NHSL3: variants seen among roughly 807,000 people sequenced by gnomAD.
NHSL3 encodes the protein NHS like 3.
chr1:32,759,818 G>C, the NHSL3 span, among the ~76,000 whole-genome samples: 3 of 152,200 alleles, frequency 2.0e-5, no homozygotes, highest in Non-Finnish European at 4.4e-5. Context: ...CTCCCTGGTT[G>C]GGTGACCTTG....
chr1:32,764,419 GTTAACACA>G, the NHSL3 span, among the ~76,000 whole-genome samples: 1 of 152,102 alleles, frequency 6.6e-6, no homozygotes, highest in South Asian at 2.1e-4. Flanking sequence ...CTAGTACTAG[GTTAACACA>G]TGTTTGCTGA....
At chr1:32,742,077 G>T in the NHSL3 span, 41 of 1,257,362 alleles carry the variant, frequency 3.3e-5, 1 homozygote, top group Admixed American at 3.3e-4. Context: ...TCAGCTGGCT[G>T]CGGGGCAAGC....
At chr1:32,747,436 G>T in the NHSL3 span, among the ~76,000 whole-genome samples, 2 of 152,242 alleles carry the variant, frequency 1.3e-5, no homozygotes, top group South Asian at 4.1e-4. Flanking sequence ...GCATCCCAAA[G>T]TGCTGGGATT....
At chr1:32,742,681 T>G in the NHSL3 span, among the ~76,000 whole-genome samples, 1 of 152,236 alleles carries the variant, frequency 6.6e-6, no homozygotes, top group Non-Finnish European at 1.5e-5. Flanking sequence ...GGACCTCACA[T>G]GGAGCACAGT....
chr1:32,772,250 C>T, the NHSL3 span: 1 of 1,603,568 alleles, frequency 6.2e-7, no homozygotes, highest in Non-Finnish European at 8.5e-7. Flanking sequence ...GCTCCCCCAC[C>T]TGTGGCCCGC....
At chr1:32,743,081 T>C in the NHSL3 span, among the ~76,000 whole-genome samples, 1 of 152,210 alleles carries the variant, frequency 6.6e-6, no homozygotes, top group Non-Finnish European at 1.5e-5. Flanking sequence ...TCTTGGGCCT[T>C]CCCTCATTTT....
At chr1:32,758,505 T>C in the NHSL3 span, among the ~76,000 whole-genome samples, 7 of 152,082 alleles carry the variant, frequency 4.6e-5, no homozygotes, top group Non-Finnish European at 8.8e-5. Context: ...CCCCCATGTC[T>C]CGTCCCCTTT....
chr1:32,762,734 C>T, the NHSL3 span, among the ~76,000 whole-genome samples: 80 of 152,128 alleles, frequency 5.3e-4, no homozygotes, highest in Non-Finnish European at 9.1e-4. Flanking sequence ...GGATTACAGG[C>T]GCCCGCCACC....
the NHSL3 span, chr1:32,754,058 C>G: frequency 3.1e-6 from 2 of 650,662 alleles, no homozygotes; most frequent in Non-Finnish European, 5.6e-6. Flanking sequence ...CTGGGCCGCG[C>G]TTGGGTTCCC....
chr1:32,774,677 G>C, the NHSL3 span: 1 of 152,530 alleles, frequency 6.6e-6, no homozygotes, highest in African/African-American at 2.4e-5. Flanking sequence ...TTCTGAGCTT[G>C]TTTCCCTGCT....
At chr1:32,749,902 A>C in the NHSL3 span, among the ~76,000 whole-genome samples, 4 of 152,094 alleles carry the variant, frequency 2.6e-5, no homozygotes, top group African/African-American at 4.8e-5. Context: ...CTGTGACCCC[A>C]AAAATCTGCA....
chr1:32,767,751 C>T, the NHSL3 span: 2 of 1,573,164 alleles, frequency 1.3e-6, no homozygotes, highest in African/African-American at 1.4e-5. Context: ...GCCCAGATGC[C>T]TTTACCTCAT....
At chr1:32,755,291 C>G in the NHSL3 span, among the ~76,000 whole-genome samples, 1 of 152,184 alleles carries the variant, frequency 6.6e-6, no homozygotes, top group Non-Finnish European at 1.5e-5. Context: ...ACCTGTTGGT[C>G]TGGGGGAGTG....
chr1:32,756,267 C>T, the NHSL3 span, among the ~76,000 whole-genome samples: 1 of 152,106 alleles, frequency 6.6e-6, no homozygotes, highest in Non-Finnish European at 1.5e-5. Context: ...GAAGTAATCA[C>T]AGGATTGAAA....
At chr1:32,769,938 C>G in the NHSL3 span, 6 of 1,607,424 alleles carry the variant, frequency 3.7e-6, no homozygotes, top group South Asian at 3.3e-5. Context: ...CACGGGATGC[C>G]GTACGCATCC....
the NHSL3 span, chr1:32,769,632 T>C: frequency 1.4e-6 from 2 of 1,459,242 alleles, no homozygotes; most frequent in East Asian, 2.3e-5. Context: ...GTGCCTGGAG[T>C]CCTTTGCTCT....
the NHSL3 span, among the ~76,000 whole-genome samples, chr1:32,762,547 C>T: frequency 3.3e-5 from 5 of 151,170 alleles, no homozygotes; most frequent in South Asian, 6.3e-4. Flanking sequence ...ACTGTAACCT[C>T]GAACTCCTGG....
the NHSL3 span, among the ~76,000 whole-genome samples, chr1:32,763,067 G>A: frequency 6.8e-6 from 1 of 147,282 alleles, no homozygotes; most frequent in East Asian, 2.0e-4. Context: ...TGCAACTTCT[G>A]CCTCCTGGGT....
the NHSL3 span, among the ~76,000 whole-genome samples, chr1:32,762,884 G>A: frequency 6.6e-6 from 1 of 152,014 alleles, no homozygotes; most frequent in Non-Finnish European, 1.5e-5. Flanking sequence ...CACCACGCCC[G>A]GCCCGGTCTT....
Sources: allele counts gnomAD v4.1 joint callset (sites outside exome capture counted in the v4.1 genomes callset), GRCh38; gene constraint gnomAD v4.1.1; transcripts MANE v1.5; gene names NCBI Gene and HGNC (gene_info 2026-07-23, HGNC 2026-07-21).